Variants in RUNX1T1 observed in about 807,000 individuals in gnomAD.
RUNX1T1 encodes the protein RUNX1 partner transcriptional co-repressor 1.
In RUNX1T1, 4 loss-of-function variants were observed where a neutral mutation model predicts 62.8. The observed-to-expected ratio is 0.06, with a 90% CI of 0.03 to 0.15. RUNX1T1 has a LOEUF of 0.15. Among genes scored for constraint, RUNX1T1 ranks in the 10% least tolerant of loss-of-function variants. The pLI, the probability that RUNX1T1 is intolerant of heterozygous loss-of-function variation, is 1.00. For synonymous variants in RUNX1T1, 291 were observed against 286.0 expected (o/e 1.02, Z -0.18); for missense variants, 508 against 754.3 (o/e 0.67, Z 3.82).
At chr8:92,063,493 C>A (rs560619138), upstream of RUNX1T1, 8 of 152,316 alleles carry the variant, frequency 5.3e-5, no homozygotes, top group African/African-American at 1.9e-4. Context: ...AATGTTTATC[C>A]TTCCCATGAA....
intron 8 of RUNX1T1, among the ~76,000 whole-genome samples, chr8:91,984,756 G>T (rs926059340): frequency 2.0e-5 from 3 of 152,208 alleles, no homozygotes; most frequent in Non-Finnish European, 4.4e-5. Context: ...ATAAACACAA[G>T]ATTTTTTTTT....
intron 4 of RUNX1T1, among the ~76,000 whole-genome samples, chr8:92,008,126 A>G (rs1279164824): frequency 1.3e-5 from 2 of 152,116 alleles, no homozygotes; most frequent in Non-Finnish European, 2.9e-5. Flanking sequence ...AAATTGTCCA[A>G]AACAATACAC....
intron 8 of RUNX1T1, 74 bp from the exon 10 acceptor site, chr8:91,976,047 G>A: frequency 4.7e-6 from 5 of 1,059,212 alleles, no homozygotes; most frequent in Non-Finnish European, 7.3e-6. Flanking sequence ...CGCACAGAGT[G>A]AAAGTAAGCA....
chr8:92,095,696 G>A (rs1406009936), intron 1 of RUNX1T1: 3 of 775,048 alleles, frequency 3.9e-6, no homozygotes, highest in African/African-American at 3.5e-5. Context: ...ATGGAGGAGG[G>A]GGCGGGGGCT....
chr8:92,082,569 T>C (rs548325437), intron 1 of RUNX1T1, among the ~76,000 whole-genome samples: 2 of 152,310 alleles, frequency 1.3e-5, no homozygotes, highest in South Asian at 4.1e-4. Flanking sequence ...GTCCAGTCAC[T>C]TGCATTAAGA....
intron 7 of RUNX1T1, among the ~76,000 whole-genome samples, chr8:91,986,535 G>A (rs1044010509): frequency 3.3e-5 from 5 of 152,122 alleles, no homozygotes; most frequent in South Asian, 2.1e-4. Context: ...TTATGAACAC[G>A]AGTCAGAAGG....
chr8:91,975,997 T>A lies in RUNX1T1; in HGVS notation c.1199-24A>T, dbSNP rs556431537. 5.5e-5 allele frequency: 86 copies of A among 1,570,796 alleles called. No homozygotes were observed. The South Asian group carries it at 9.3e-4, about 17-fold the overall frequency. ...GTCTATGAAAAGGATGGGAAGGGGG[T>A]GGAGAGAGGAGGAGAGTACTGTAAG... is the stretch of plus-strand genomic sequence containing the variant. On this transcript the variant is annotated intron_variant, in intron 8 of 10. Coordinates refer to ENST00000396218, the Ensembl canonical transcript of RUNX1T1.
At chr8:92,025,157 T>C (rs1415358840) in intron 1 of RUNX1T1, among the ~76,000 whole-genome samples, 3 of 152,192 alleles carry the variant, frequency 2.0e-5, no homozygotes, top group African/African-American at 7.2e-5. Context: ...CAACAAGTCA[T>C]TGAATGGACT....
chr8:91,968,768 G>T (rs1812172060), intron 10 of RUNX1T1, among the ~76,000 whole-genome samples: 1 of 152,124 alleles, frequency 6.6e-6, no homozygotes, highest in Admixed American at 6.5e-5. Context: ...ATCCTGTTGA[G>T]GCTCTGCCAT....
At chr8:91,969,015 G>A (rs937460178) in intron 10 of RUNX1T1, among the ~76,000 whole-genome samples, 4 of 151,726 alleles carry the variant, frequency 2.6e-5, no homozygotes, top group Non-Finnish European at 5.9e-5. Flanking sequence ...AATTCTTGGG[G>A]AAGTGTCACT....
chr8:92,046,874 C>T (rs950078920), intron 1 of RUNX1T1, among the ~76,000 whole-genome samples: 2 of 152,028 alleles, frequency 1.3e-5, no homozygotes, highest in Non-Finnish European at 2.9e-5. Context: ...AAACAGAAAA[C>T]ACAAATTGGA....
chr8:92,037,499 G>A (rs889062424), intron 1 of RUNX1T1, among the ~76,000 whole-genome samples: 5 of 152,256 alleles, frequency 3.3e-5, no homozygotes, highest in Admixed American at 1.3e-4. Context: ...CCAACATGGC[G>A]AAACCCTGTC....
intron 5 of RUNX1T1, among the ~76,000 whole-genome samples, chr8:91,998,364 A>T (rs982224829): frequency 2.0e-5 from 3 of 152,204 alleles, no homozygotes; most frequent in Non-Finnish European, 2.9e-5. Context: ...TAGATGATGA[A>T]GAACAGAGAG....
intron 1 of RUNX1T1, among the ~76,000 whole-genome samples, chr8:92,026,163 T>C (rs1825108639): frequency 6.6e-6 from 1 of 152,220 alleles, no homozygotes; most frequent in Non-Finnish European, 1.5e-5. Context: ...TTCTCTGTTC[T>C]ATAATGGGCA....
At chr8:92,004,171 G>GT (rs1253444078) in intron 5 of RUNX1T1, among the ~76,000 whole-genome samples, 1 of 152,216 alleles carries the variant, frequency 6.6e-6, no homozygotes, top group Non-Finnish European at 1.5e-5. Context: ...GAACATAACT[G>GT]TGTCAGGGTG....
chr8:92,076,243 G>GT (rs942084275), intron 1 of RUNX1T1, 106 bp from the exon 2 acceptor site: 2 of 824,020 alleles, frequency 2.4e-6, no homozygotes, highest in African/African-American at 1.8e-5. Flanking sequence ...GTTATGTTTT[G>GT]TTTAAAAAAA....
intron 1 of RUNX1T1, among the ~76,000 whole-genome samples, chr8:92,025,331 C>T (rs1824938906): frequency 6.6e-6 from 1 of 152,088 alleles, no homozygotes; most frequent in Admixed American, 6.6e-5. Context: ...CCTTTGTGAC[C>T]CATCTGGTTC....
intron 1 of RUNX1T1, among the ~76,000 whole-genome samples, chr8:92,062,172 C>A (rs1387414705): frequency 6.6e-6 from 1 of 152,170 alleles, no homozygotes; most frequent in Non-Finnish European, 1.5e-5. Context: ...ACTCTCTCCA[C>A]AGATGAAATT....
intron 5 of RUNX1T1, chr8:91,994,679 G>T (rs1818344324): frequency 2.1e-6 from 1 of 473,660 alleles, no homozygotes. Flanking sequence ...GCCACCTGAG[G>T]TGCTGAAGGT....
Sources: gnomAD v4.1 joint callset for allele counts (sites outside exome capture counted in the v4.1 genomes callset) on GRCh38, gnomAD v4.1.1 for gene constraint, MANE v1.5 for transcripts, NCBI Gene and HGNC (gene_info 2026-07-23, HGNC 2026-07-21) for gene names.